Variants in SLC47A2 observed in about 807,000 individuals in gnomAD.
The protein encoded by SLC47A2 is solute carrier family 47 member 2.
A neutral mutation model predicts 67.7 loss-of-function variants in SLC47A2; 52 were observed. That is an observed-to-expected ratio of 0.77 (90% confidence interval 0.61 to 0.97). The LOEUF (loss-of-function observed/expected upper bound fraction) is 0.97, where lower values mean the gene tolerates loss of function less well. Ranked by LOEUF, SLC47A2 falls within the 50% of genes least tolerant of loss-of-function variation. SLC47A2 has a pLI of 0.00. For missense variants in SLC47A2, 676 were observed against 712.3 expected (o/e 0.95, Z 0.58); for synonymous variants, 278 against 292.9 (o/e 0.95, Z 0.52).
intron 13 of SLC47A2, among the ~76,000 whole-genome samples, chr17:19,697,646 G>A (rs2085693512): frequency 6.6e-6 from 1 of 152,082 alleles, no homozygotes; most frequent in Non-Finnish European, 1.5e-5. Context: ...AGAGTGCAGT[G>A]ATGCAGTCAT....
chr17:19,702,650 C>A lies in SLC47A2; in HGVS notation c.1119G>T (p.Gln373His). Residue 373 changes from glutamine to histidine, a missense_variant, in exon 13 of 17, where the codon CAG (glutamine) becomes CAT (histidine). Transcript: ENST00000433844. The stretch of plus-strand genomic sequence containing the variant: ...GAAAGACACTATAAACCGGCAAGAC[C>A]TGGCTCACCAGGGCAATGACATCTC... ...NDEDVIALVS[Q>H]VLPVYSVFHV... 1 of 1,614,052 alleles carries A rather than the reference C, an allele frequency of 6.2e-7. No individual in the cohort carries two copies. Among genetic ancestry groups the A allele is most frequent in the Non-Finnish European group, 8.5e-7 (1 of 1,180,018 alleles).
chr17:19,687,991 G>A (rs1187733606), intron 13 of SLC47A2, among the ~76,000 whole-genome samples: 1 of 151,882 alleles, frequency 6.6e-6, no homozygotes, highest in Non-Finnish European at 1.5e-5. Flanking sequence ...TATTAAATCT[G>A]TTCAAAAAAA....
chr17:19,687,788 A>G lies in SLC47A2; in HGVS notation c.1165-6118T>C, dbSNP rs556986248. On this transcript the variant is annotated intron_variant, in intron 13 of 16. Transcript: ENST00000433844. ...ACATACAACCTACCAAAATGCAACCATGAACAAATCTGAAACCTGAACAGA... is the reference window on the plus strand; with the variant it reads ...ACATACAACCTACCAAAATGCAACCGTGAACAAATCTGAAACCTGAACAGA... 2.6e-5 allele frequency among the ~76,000 whole-genome samples: 4 copies of G among 152,338 alleles called. No individual in the cohort carries two copies. The East Asian group carries it at 5.8e-4, about 22-fold the overall frequency.
intron 13 of SLC47A2, among the ~76,000 whole-genome samples, chr17:19,694,366 A>C (rs1337275112): frequency 6.6e-6 from 1 of 152,250 alleles, no homozygotes; most frequent in Non-Finnish European, 1.5e-5. Context: ...ACCTGATTAC[A>C]AAACTCCCTG....
At position 19,681,616 on chromosome 17, in the gene SLC47A2, C is replaced by A. The variant is rs1229602071; in HGVS notation, c.1219G>T (p.Val407Leu). 1 of 1,614,216 alleles carries A rather than the reference C, an allele frequency of 6.2e-7. No homozygotes were observed. Among genetic ancestry groups the A allele is most frequent in the Admixed American group, 1.7e-5 (1 of 60,030 alleles). Reference sequence around the variant, plus strand: ...ATGATGTAATATGTGATGGCATTCACAGCGGCACCAAAGGCCTGCTTCCCA... The same window carrying A: ...ATGATGTAATATGTGATGGCATTCAAAGCGGCACCAAAGGCCTGCTTCCCA... ...GTGKQAFGAA[V>L]NAITYYIIGL... Residue 407 changes from valine (V) to leucine (L), a missense_variant, in exon 14 of 17, where the codon GTG (valine) becomes TTG (leucine). Coordinates refer to ENST00000433844, the MANE Select transcript of SLC47A2 (RefSeq NM_001099646.3).
chr17:19,702,760 C>A (rs2085820131), intron 12 of SLC47A2, 86 bp from the exon 13 acceptor site: 10 of 1,434,792 alleles, frequency 7.0e-6, no homozygotes, highest in Non-Finnish European at 9.6e-6. Flanking sequence ...CCCACCCCCA[C>A]AAGAAAAAGC....
intron 7 of SLC47A2, 151 bp downstream of exon 7, chr17:19,708,151 A>C (rs1362025629): frequency 1.2e-6 from 1 of 851,400 alleles, no homozygotes; most frequent in Admixed American, 2.7e-5. Flanking sequence ...TGAGGTCCCC[A>C]AGGGACCATC....
intron 5 of SLC47A2, 130 bp from the exon 6 acceptor site, chr17:19,708,890 G>C (rs140286891): frequency 8.4e-7 from 1 of 1,192,024 alleles, no homozygotes; most frequent in East Asian, 2.4e-5. Context: ...GTATGTCTGG[G>C]ACCTCTCAGG....
intron 13 of SLC47A2, among the ~76,000 whole-genome samples, chr17:19,681,898 C>CAGTA (rs1459220279): frequency 6.6e-6 from 1 of 152,188 alleles, no homozygotes; most frequent in South Asian, 2.1e-4. Context: ...CACAACCCTA[C>CAGTA]AGTACTCAGG....
intron 5 of SLC47A2, among the ~76,000 whole-genome samples, chr17:19,711,780 A>G (rs2086108222): frequency 6.6e-6 from 1 of 151,940 alleles, no homozygotes; most frequent in Admixed American, 6.6e-5. Flanking sequence ...CCAGTAATGC[A>G]TTTCTGTAAT....
In SLC47A2 at chr17:19,705,493, A is replaced by G. The variant is rs965013616; in HGVS notation, c.852T>C (p.Ser284=). 2 of 1,609,210 alleles carry G rather than the reference A, an allele frequency of 1.2e-6. No homozygotes were observed. The highest frequency in any genetic ancestry group is 3.4e-5 in the Admixed American group (2 of 59,614). ...EIGSFLMGLL[S]VVDLSAQAVI... The stretch of plus-strand genomic sequence containing the variant: ...CAGCCTGGGCAGAGAGATCCACCAC[A>G]CTGAGCAGCCCTAGAGAAGAGGCCC... The change falls in exon 10 of 17, where the codon AGT becomes AGC. Residue 284 remains serine, a synonymous_variant. Transcript: ENST00000433844.
At chr17:19,697,456 CA>C (rs1012698737) in intron 13 of SLC47A2, among the ~76,000 whole-genome samples, 7 of 152,028 alleles carry the variant, frequency 4.6e-5, no homozygotes, top group African/African-American at 1.5e-4. Flanking sequence ...AAAAGACAAC[CA>C]AAAAAAGTTC....
upstream of SLC47A2, chr17:19,716,947 AC>A (rs953859787): frequency 1.1e-5 from 2 of 185,284 alleles, no homozygotes; most frequent in Non-Finnish European, 2.2e-5. Flanking sequence ...GGCGTCCTGT[AC>A]CCGGGCGTGA....
intron 13 of SLC47A2, among the ~76,000 whole-genome samples, chr17:19,694,403 C>T (rs144874532): frequency 3.3e-5 from 5 of 152,288 alleles, no homozygotes; most frequent in South Asian, 2.1e-4. Context: ...AAGACTGTCA[C>T]AATGGCATAG....
chr17:19,680,189 A>AT (rs1356574496), intron 15 of SLC47A2, 150 bp from the exon 16 acceptor site: 20 of 769,272 alleles, frequency 2.6e-5, no homozygotes, highest in Non-Finnish European at 2.4e-5. Flanking sequence ...AGAAAGTATC[A>AT]TTTTAAGGCT....
chr17:19,710,428 A>T (rs1186052477), intron 5 of SLC47A2, among the ~76,000 whole-genome samples: 1 of 151,618 alleles, frequency 6.6e-6, no homozygotes, highest in Non-Finnish European at 1.5e-5. Context: ...AAGTATAAGC[A>T]AATGTGTATA....
intron 13 of SLC47A2, among the ~76,000 whole-genome samples, chr17:19,699,319 C>T (rs1274806177): frequency 1.3e-5 from 2 of 152,002 alleles, no homozygotes; most frequent in South Asian, 2.1e-4. Context: ...GTATAAAACT[C>T]CTACAAAATA....
intron 16 of SLC47A2, among the ~76,000 whole-genome samples, 165 bp downstream of exon 16, chr17:19,679,787 T>C (rs575565875): frequency 5.9e-5 from 9 of 152,042 alleles, no homozygotes; most frequent in Non-Finnish European, 1.0e-4. Flanking sequence ...ACAATAGATG[T>C]TGTTGTCTTC....
chr17:19,711,074 G>T (rs1323366930), intron 5 of SLC47A2, among the ~76,000 whole-genome samples: 3 of 152,100 alleles, frequency 2.0e-5, no homozygotes, highest in South Asian at 2.1e-4. Context: ...CTCCCAAAGT[G>T]CTGGGATTAC....
Sources: allele counts gnomAD v4.1 joint callset (sites outside exome capture counted in the v4.1 genomes callset), GRCh38; gene constraint gnomAD v4.1.1; transcripts MANE v1.5; gene names NCBI Gene and HGNC (gene_info 2026-07-23, HGNC 2026-07-21).